ELMO1: variants seen among roughly 807,000 people sequenced by gnomAD.
ELMO1 encodes the protein engulfment and cell motility 1, also known as engulfment and cell motility protein 1.
Under a neutral mutation model 98.9 loss-of-function variants are expected in ELMO1, and 26 were observed. That is an observed-to-expected ratio of 0.26 (90% confidence interval 0.19 to 0.36). The LOEUF is 0.36. Among genes scored for constraint, ELMO1 ranks in the 10% least tolerant of loss-of-function variants. ELMO1 has a pLI of 1.00. For missense variants in ELMO1, 627 were observed against 935.2 expected (o/e 0.67, Z 4.30); for synonymous variants, 346 against 346.0 (o/e 1.00, Z 0.00).
At chr7:37,266,857 A>G (rs530784605) in intron 5 of ELMO1, among the ~76,000 whole-genome samples, 1 of 152,138 alleles carries the variant, frequency 6.6e-6, no homozygotes, top group Non-Finnish European at 1.5e-5. Flanking sequence ...TACTAAAAAT[A>G]CAAAAATTAG....
intron 16 of ELMO1, among the ~76,000 whole-genome samples, chr7:37,005,138 A>G (rs1437114190): frequency 2.6e-5 from 4 of 151,530 alleles, no homozygotes; most frequent in Middle Eastern, 3.2e-3. Context: ...AAAAAGAAAA[A>G]AAGAAAATTA....
intron 16 of ELMO1, among the ~76,000 whole-genome samples, chr7:36,991,018 C>G (rs1791837281): frequency 1.3e-5 from 2 of 152,122 alleles, no homozygotes; most frequent in Admixed American, 1.3e-4. Flanking sequence ...CTGGATGCTT[C>G]CACTGAGTAT....
At chr7:37,145,228 G>T (rs1270633643) in intron 13 of ELMO1, among the ~76,000 whole-genome samples, 2 of 152,196 alleles carry the variant, frequency 1.3e-5, no homozygotes, top group Non-Finnish European at 2.9e-5. Context: ...AGACCCACTG[G>T]TAGAGAGGAT....
intron 4 of ELMO1, among the ~76,000 whole-genome samples, chr7:37,298,573 G>A (rs926941782): frequency 4.1e-5 from 6 of 146,852 alleles, no homozygotes; most frequent in East Asian, 2.0e-4. Flanking sequence ...TTGTTCTTGC[G>A]ATAGTTTACA....
intron 4 of ELMO1, among the ~76,000 whole-genome samples, chr7:37,283,787 A>C (rs1797259328): frequency 1.3e-5 from 2 of 152,208 alleles, no homozygotes; most frequent in Non-Finnish European, 2.9e-5. Flanking sequence ...ACACGTCTAT[A>C]GTGCTGCACA....
intron 1 of ELMO1, among the ~76,000 whole-genome samples, chr7:37,407,091 T>C (rs1803801598): frequency 6.6e-6 from 1 of 152,150 alleles, no homozygotes; most frequent in South Asian, 2.1e-4. Flanking sequence ...TAGCCTAACA[T>C]ATACTTGACA....
At chr7:36,907,233 TGA>T (rs1407556250) in intron 16 of ELMO1, among the ~76,000 whole-genome samples, 2 of 152,010 alleles carry the variant, frequency 1.3e-5, no homozygotes, top group African/African-American at 4.8e-5. Context: ...AAGAGAGGGT[TGA>T]GAGAGGAGCA....
intron 15 of ELMO1, among the ~76,000 whole-genome samples, chr7:37,041,586 G>A (rs1266957115): frequency 6.6e-6 from 1 of 152,166 alleles, no homozygotes; most frequent in Non-Finnish European, 1.5e-5. Context: ...GACACTGTTT[G>A]AAAAGTATCA....
At chr7:37,155,012 C>T (rs1168681860) in intron 13 of ELMO1, among the ~76,000 whole-genome samples, 3 of 152,064 alleles carry the variant, frequency 2.0e-5, no homozygotes, top group Non-Finnish European at 4.4e-5. Context: ...CAATATTCAA[C>T]ATTCTTAAAG....
At chr7:37,036,117 G>A (rs1264866657) in intron 15 of ELMO1, among the ~76,000 whole-genome samples, 1 of 151,972 alleles carries the variant, frequency 6.6e-6, no homozygotes, top group Admixed American at 6.6e-5. Context: ...ATGCATCATG[G>A]CATACCTAAT....
At chr7:37,101,362 C>T (rs1309749232) in intron 14 of ELMO1, among the ~76,000 whole-genome samples, 25 of 152,138 alleles carry the variant, frequency 1.6e-4, no homozygotes, top group Admixed American at 1.6e-3. Context: ...CAGAGAAACG[C>T]CACACTTTGA....
At chr7:37,116,974 T>C (rs1220541338) in intron 14 of ELMO1, 2 of 212,920 alleles carry the variant, frequency 9.4e-6, no homozygotes, top group Non-Finnish European at 2.0e-5. Context: ...AGAGGCCCAG[T>C]GAGAGGCATC....
chr7:37,125,154 TAAATG>T (rs1252011731), intron 14 of ELMO1, among the ~76,000 whole-genome samples: 7 of 152,140 alleles, frequency 4.6e-5, no homozygotes, highest in African/African-American at 7.2e-5. Flanking sequence ...ATTAAAGACT[TAAATG>T]TTAGACCTAA....
chr7:36,899,398 G>T (rs1806306999), intron 16 of ELMO1, among the ~76,000 whole-genome samples: 1 of 152,070 alleles, frequency 6.6e-6, no homozygotes, highest in African/African-American at 2.4e-5. Context: ...AGGATGAATG[G>T]GAGTTACTCA....
At chr7:37,393,255 A>G (rs896970287) in intron 1 of ELMO1, among the ~76,000 whole-genome samples, 2 of 152,220 alleles carry the variant, frequency 1.3e-5, no homozygotes, top group Admixed American at 6.5e-5. Context: ...CCAGTGGCTC[A>G]CCACCCACTA....
chr7:37,238,249 T>C (rs1301453190), intron 7 of ELMO1, among the ~76,000 whole-genome samples: 1 of 152,196 alleles, frequency 6.6e-6, no homozygotes, highest in East Asian at 1.9e-4. Flanking sequence ...TTTTAGCAAA[T>C]AAATAGATAT....
At chr7:37,144,350 A>C (rs1787847918) in intron 13 of ELMO1, among the ~76,000 whole-genome samples, 1 of 152,196 alleles carries the variant, frequency 6.6e-6, no homozygotes, top group South Asian at 2.1e-4. Context: ...TTTAATAACA[A>C]GAAAAGGAAA....
intron 1 of ELMO1, among the ~76,000 whole-genome samples, chr7:37,438,457 G>A (rs1282298364): frequency 2.7e-5 from 4 of 150,596 alleles, no homozygotes; most frequent in South Asian, 2.1e-4. Context: ...AAAATTAGCC[G>A]GGCGTGGTGG....
At chr7:36,857,274 T>C (rs760346136) in intron 21 of ELMO1, among the ~76,000 whole-genome samples, 6 of 152,210 alleles carry the variant, frequency 3.9e-5, no homozygotes, top group Non-Finnish European at 7.3e-5. Flanking sequence ...TGTCTAACCA[T>C]CAATTTCTTC....
Sources: allele counts gnomAD v4.1 joint callset (sites outside exome capture counted in the v4.1 genomes callset), GRCh38; gene constraint gnomAD v4.1.1; transcripts MANE v1.5; gene names NCBI Gene and HGNC (gene_info 2026-07-23, HGNC 2026-07-21).